EPHA6: variants seen among roughly 807,000 people sequenced by gnomAD.
EPHA6 encodes EPH receptor A6, also known as ephrin type-A receptor 6.
Under a neutral mutation model 112.0 loss-of-function variants are expected in EPHA6, and 50 were observed. That is an observed-to-expected ratio of 0.45 (90% CI 0.36 to 0.56). EPHA6 has a LOEUF of 0.56. Among genes scored for constraint, EPHA6 ranks in the 20% least tolerant of loss-of-function variants. EPHA6 has a pLI of 0.00. For missense variants in EPHA6, 1,280 were observed against 1,417.4 expected, an observed-to-expected ratio of 0.90 and a Z score of 1.56; for synonymous variants, 529 against 490.7, an observed-to-expected ratio of 1.08 and a Z score of -1.03.
rs186593814 is a variant in EPHA6 at position 97,066,382 on chromosome 3, G to A, written c.1114+78389G>A. 3.0e-3 allele frequency among the ~76,000 whole-genome samples: 449 copies of A among 152,152 alleles called. 1 individual carries two copies. The highest frequency in any genetic ancestry group is 5.6e-3 in the Admixed American group (85 of 15,276). On this transcript the variant is annotated intron_variant, in intron 3 of 17. Transcript: ENST00000389672. ...ATACTAGATATAGGGATTACACAAT[G>A]TATTAATTAAAGGTACTTTTATATA...
At chr3:97,074,465 C>T (rs1426083018) in intron 3 of EPHA6, among the ~76,000 whole-genome samples, 3 of 151,800 alleles carry the variant, frequency 2.0e-5, no homozygotes, top group African/African-American at 7.3e-5. Context: ...ATAATCTGTT[C>T]ATTTTAAAAT....
intron 14 of EPHA6, among the ~76,000 whole-genome samples, chr3:97,706,233 A>T (rs1478444385): frequency 6.6e-6 from 1 of 152,130 alleles, no homozygotes; most frequent in Non-Finnish European, 1.5e-5. Flanking sequence ...GAGATTTAGG[A>T]TCCCTGTCAT....
chr3:97,752,138 A>C lies in EPHA6; in HGVS notation c.*3437A>C, dbSNP rs1356982166. On this transcript the variant is annotated 3_prime_UTR_variant, in exon 18 of 18. Coordinates refer to ENST00000389672, the MANE Select transcript of EPHA6 (RefSeq NM_001080448.3). ...AATAAGACATCTTATTTCACTCTGCATTGGTCTTTAAAATCTATCAAAGTA... is the reference window on the plus strand; with the variant it reads ...AATAAGACATCTTATTTCACTCTGCCTTGGTCTTTAAAATCTATCAAAGTA... 6 of 223,720 alleles carry C rather than the reference A, an allele frequency of 2.7e-5. No individual in the cohort carries two copies. The highest frequency in any genetic ancestry group is 5.7e-5 in the Admixed American group (1 of 17,424). 13.9% of individuals were successfully genotyped at this position (223,720 alleles called of 1,614,324 possible). A position where few individuals can be genotyped will look rare whatever the true frequency, so the allele number is the denominator to read the frequency against.
At chr3:97,418,827 A>G (rs2088354975) in intron 6 of EPHA6, among the ~76,000 whole-genome samples, 2 of 152,236 alleles carry the variant, frequency 1.3e-5, no homozygotes, top group African/African-American at 4.8e-5. Context: ...ATAAAATAGC[A>G]TGCATGAATC....
At chr3:97,493,175 T>A (rs1176185109) in intron 10 of EPHA6, among the ~76,000 whole-genome samples, 1 of 152,040 alleles carries the variant, frequency 6.6e-6, no homozygotes, top group Non-Finnish European at 1.5e-5. Context: ...TATGTATACA[T>A]ACGTACATGT....
Position 97,531,435 on chromosome 3 carries a change from T to G in EPHA6, c.2201-923T>G, listed in dbSNP as rs570796041. On this transcript the variant is annotated intron_variant, in intron 10 of 17. Coordinates refer to ENST00000389672, the MANE Select transcript of EPHA6 (RefSeq NM_001080448.3). ...CTTTGAATGTTTTTCTTCACTTCCC[T>G]TACTCCTTTTATGCACACTGTCTTG... 1.3e-4 allele frequency among the ~76,000 whole-genome samples: 20 copies of G among 152,126 alleles called. No individual in the cohort carries two copies. In the South Asian group the frequency reaches 3.7e-3, roughly 28 times the overall value.
intron 10 of EPHA6, among the ~76,000 whole-genome samples, chr3:97,488,413 C>T (rs1451089286): frequency 2.0e-5 from 3 of 152,142 alleles, no homozygotes; most frequent in Admixed American, 1.3e-4. Flanking sequence ...TTCTGTTATT[C>T]CGTCTTGTTT....
At chr3:97,357,872 G>A (rs577071648) in intron 5 of EPHA6, among the ~76,000 whole-genome samples, 25 of 152,208 alleles carry the variant, frequency 1.6e-4, no homozygotes, top group Admixed American at 4.6e-4. Flanking sequence ...TTCCTTAAAC[G>A]GAAGTGGAAC....
chr3:97,521,189 T>A (rs977864705), intron 10 of EPHA6, among the ~76,000 whole-genome samples: 1 of 151,948 alleles, frequency 6.6e-6, no homozygotes, highest in African/African-American at 2.4e-5. Flanking sequence ...TCTCTGATTT[T>A]ATAAATTTCT....
intron 11 of EPHA6, among the ~76,000 whole-genome samples, chr3:97,541,840 G>C (rs2092859310): frequency 6.6e-6 from 1 of 150,858 alleles, no homozygotes; most frequent in African/African-American, 2.4e-5. Context: ...CAGGTGTGCT[G>C]TATTAGTCAG....
chr3:96,984,529 A>T (rs936263984), intron 2 of EPHA6, among the ~76,000 whole-genome samples: 1 of 151,592 alleles, frequency 6.6e-6, no homozygotes, highest in African/African-American at 2.4e-5. Context: ...CAGTCTGTCC[A>T]TTCTCAGATC....
intron 3 of EPHA6, among the ~76,000 whole-genome samples, chr3:97,053,240 G>A (rs763650693): frequency 1.3e-5 from 2 of 152,024 alleles, no homozygotes. Flanking sequence ...GAGCATAAAG[G>A]GTGAAGGGTT....
At chr3:97,559,768 A>G (rs1365385005) in intron 11 of EPHA6, 1 of 363,116 alleles carries the variant, frequency 2.8e-6, no homozygotes, top group Non-Finnish European at 5.4e-6. Context: ...AATGCACCCT[A>G]AAGTTAAAAC....
intron 5 of EPHA6, among the ~76,000 whole-genome samples, chr3:97,262,313 A>G (rs1042067839): frequency 1.3e-5 from 2 of 152,132 alleles, no homozygotes; most frequent in Non-Finnish European, 2.9e-5. Context: ...AAAGAAAAAA[A>G]TGGCCTTTGT....
chr3:97,725,313 C>A (rs1486453), intron 15 of EPHA6, among the ~76,000 whole-genome samples: 149,298 of 152,146 alleles, frequency 0.98, 73,274 homozygotes, highest in East Asian at 0.99. Flanking sequence ...GACCTTGCCC[C>A]ACACTAAACA....
chr3:97,511,361 A>T (rs1473706730), intron 10 of EPHA6, among the ~76,000 whole-genome samples: 1 of 152,172 alleles, frequency 6.6e-6, no homozygotes, highest in African/African-American at 2.4e-5. Context: ...ACTGTGGGAA[A>T]AGTGTAGTGT....
At chr3:97,478,212 G>T (rs1244372111) in intron 8 of EPHA6, among the ~76,000 whole-genome samples, 5 of 151,974 alleles carry the variant, frequency 3.3e-5, no homozygotes, top group Admixed American at 3.3e-4. Context: ...ATAAGTTAAG[G>T]CCTTATTTTT....
intron 5 of EPHA6, among the ~76,000 whole-genome samples, chr3:97,274,268 G>A (rs543898582): frequency 1.3e-5 from 2 of 152,238 alleles, no homozygotes; most frequent in East Asian, 1.9e-4. Context: ...AGTGACTGAC[G>A]TGAAGGAGAA....
Position 97,559,634 on chromosome 3 carries a change from A to G in EPHA6, c.2386+27091A>G, listed in dbSNP as rs554563321. On this transcript the variant is annotated intron_variant, in intron 11 of 17. Coordinates refer to ENST00000389672, the MANE Select transcript of EPHA6 (RefSeq NM_001080448.3). ...CATATATCCTCAGGGCAAAAGGGGA[A>G]GCAGGCTTTCTAAAGAAGTAAATCA... 4.0e-5 allele frequency: 18 copies of G among 455,552 alleles called. 2 individuals are homozygous for G. Among genetic ancestry groups the G allele is most frequent in the South Asian group, 2.8e-4 (18 of 64,480 alleles). 28.2% of individuals were successfully genotyped at this position (455,552 alleles called of 1,614,324 possible). A position where few individuals can be genotyped will look rare whatever the true frequency, so the allele number is the denominator to read the frequency against.
Sources: gnomAD v4.1 joint callset for allele counts (sites outside exome capture counted in the v4.1 genomes callset) on GRCh38, gnomAD v4.1.1 for gene constraint, MANE v1.5 for transcripts, NCBI Gene and HGNC (gene_info 2026-07-23, HGNC 2026-07-21) for gene names.